The following ZNF475 variants were observed in gnomAD, a reference collection of about 807,000 sequenced individuals.
The protein encoded by ZNF475 is zinc finger protein 475.
the ZNF475 span, among the ~76,000 whole-genome samples, chr5:122,160,794 TC>T: frequency 1.4e-4 from 22 of 152,292 alleles, no homozygotes; most frequent in Admixed American, 5.2e-4. Context: ...AAAGCCTTTT[TC>T]CCCCATCACT....
the ZNF475 span, among the ~76,000 whole-genome samples, chr5:122,160,954 C>G: frequency 6.6e-6 from 1 of 152,146 alleles, no homozygotes; most frequent in Non-Finnish European, 1.5e-5. Flanking sequence ...ATTCTTAAAG[C>G]TCCAACAAAG....
the ZNF475 span, among the ~76,000 whole-genome samples, chr5:122,179,174 G>T: frequency 6.6e-6 from 1 of 152,144 alleles, no homozygotes; most frequent in African/African-American, 2.4e-5. Flanking sequence ...GTGGTGTGCT[G>T]CTTCCAGCTT....
At chr5:122,169,876 G>A in the ZNF475 span, among the ~76,000 whole-genome samples, 11 of 152,260 alleles carry the variant, frequency 7.2e-5, no homozygotes, top group African/African-American at 2.6e-4. Flanking sequence ...AATGCGTTCA[G>A]GTGTGGGAAA....
the ZNF475 span, chr5:122,180,185 C>T: frequency 6.6e-6 from 1 of 152,582 alleles, no homozygotes; most frequent in Admixed American, 6.5e-5. Context: ...TTCACCAGGT[C>T]CACTAGTCAG....
At chr5:122,179,839 A>T in the ZNF475 span, 1 of 758,404 alleles carries the variant, frequency 1.3e-6, no homozygotes, top group Non-Finnish European at 1.9e-6. Context: ...AAAATCAACA[A>T]CATTTCTTGC....
chr5:122,173,498 A>C, the ZNF475 span, among the ~76,000 whole-genome samples: 1 of 152,330 alleles, frequency 6.6e-6, no homozygotes, highest in African/African-American at 2.4e-5. Context: ...GTTATATACA[A>C]TAATTAGGAT....
the ZNF475 span, chr5:122,179,583 T>A: frequency 6.6e-7 from 1 of 1,523,740 alleles, no homozygotes; most frequent in Non-Finnish European, 8.7e-7. Flanking sequence ...AGCAGTTGTT[T>A]GCTACATTTG....
At chr5:122,162,582 GA>G in the ZNF475 span, 1 of 152,182 alleles carries the variant, frequency 6.6e-6, no homozygotes, top group African/African-American at 2.4e-5. Context: ...CAAGTTGGTT[GA>G]AATTATGTTT....
the ZNF475 span, among the ~76,000 whole-genome samples, chr5:122,178,484 C>T: frequency 2.0e-5 from 3 of 151,838 alleles, no homozygotes; most frequent in Admixed American, 6.6e-5. Context: ...TTTCTAATGA[C>T]CAGTGATGAT....
At chr5:122,171,101 A>G in the ZNF475 span, among the ~76,000 whole-genome samples, 1 of 151,970 alleles carries the variant, frequency 6.6e-6, no homozygotes, top group East Asian at 1.9e-4. Context: ...AATTCCAACT[A>G]CTAGTTTGTT....
the ZNF475 span, among the ~76,000 whole-genome samples, chr5:122,169,473 A>G: frequency 6.6e-6 from 1 of 152,216 alleles, no homozygotes. Flanking sequence ...GCATGGAGAC[A>G]GCAAAATTGA....
the ZNF475 span, among the ~76,000 whole-genome samples, chr5:122,161,792 T>C: frequency 2.0e-5 from 3 of 152,184 alleles, no homozygotes; most frequent in Non-Finnish European, 4.4e-5. Context: ...CAGGCCTGTA[T>C]CCAAACTGAT....
the ZNF475 span, among the ~76,000 whole-genome samples, chr5:122,172,131 T>G: frequency 1.4e-4 from 22 of 152,212 alleles, no homozygotes; most frequent in Non-Finnish European, 2.9e-4. Flanking sequence ...ATTTTTTAGC[T>G]TTTTTGTTGT....
At chr5:122,178,575 TG>T in the ZNF475 span, among the ~76,000 whole-genome samples, 2 of 152,270 alleles carry the variant, frequency 1.3e-5, no homozygotes, top group Non-Finnish European at 2.9e-5. Context: ...CTCTTTTTGA[TG>T]GGGTTGCTTG....
the ZNF475 span, among the ~76,000 whole-genome samples, chr5:122,169,254 A>G: frequency 2.6e-5 from 4 of 152,174 alleles, no homozygotes; most frequent in African/African-American, 9.7e-5. Context: ...CCCACTTCAG[A>G]TATTATCCAC....
the ZNF475 span, among the ~76,000 whole-genome samples, chr5:122,164,679 A>C: frequency 6.6e-6 from 1 of 152,158 alleles, no homozygotes; most frequent in Non-Finnish European, 1.5e-5. Flanking sequence ...CTTGGAGCCA[A>C]ACCTTCTGAT....
chr5:122,166,347 T>C, the ZNF475 span, among the ~76,000 whole-genome samples: 1 of 146,922 alleles, frequency 6.8e-6, no homozygotes, highest in African/African-American at 2.5e-5. Flanking sequence ...GTTATGTTTC[T>C]TTTTTTTTTT....
At chr5:122,173,550 C>G in the ZNF475 span, among the ~76,000 whole-genome samples, 1 of 152,192 alleles carries the variant, frequency 6.6e-6, no homozygotes, top group South Asian at 2.1e-4. Flanking sequence ...TTACACAAAC[C>G]TGGCCTAAAG....
At chr5:122,170,037 G>A in the ZNF475 span, among the ~76,000 whole-genome samples, 1 of 152,076 alleles carries the variant, frequency 6.6e-6, no homozygotes, top group African/African-American at 2.4e-5. Context: ...TTTCAATTAT[G>A]TTTCATCATA....
Sources: gnomAD v4.1 joint callset for allele counts (sites outside exome capture counted in the v4.1 genomes callset) on GRCh38, gnomAD v4.1.1 for gene constraint, MANE v1.5 for transcripts, NCBI Gene and HGNC (gene_info 2026-07-23, HGNC 2026-07-21) for gene names.